The following FAM216B variants were observed in gnomAD, a reference collection of about 807,000 sequenced individuals.
FAM216B encodes the protein family with sequence similarity 216 member B, also known as protein FAM216B.
Under a neutral mutation model 12.9 loss-of-function variants are expected in FAM216B, and 11 were observed. The observed-to-expected ratio is 0.86, with a 90% CI of 0.54 to 1.42. FAM216B has a LOEUF of 1.42. FAM216B is among the 40% of genes most tolerant of loss of function. The probability of loss-of-function intolerance (pLI) is 0.00; values close to 1 mark genes in which losing one functional copy is unlikely to be tolerated. For missense variants in FAM216B, 167 were observed against 162.9 expected (o/e 1.02, Z -0.14); for synonymous variants, 52 against 57.2 (o/e 0.91, Z 0.41).
intron 2 of FAM216B, 109 bp from the exon 3 acceptor site, chr13:42,786,654 G>C (rs1316164744): frequency 8.7e-6 from 11 of 1,271,098 alleles, no homozygotes; most frequent in Non-Finnish European, 1.2e-5. Context: ...AAAAACATAT[G>C]GTTAGCAAGA....
At chr13:42,783,457 T>C (rs1188548834) in intron 1 of FAM216B, among the ~76,000 whole-genome samples, 1 of 152,120 alleles carries the variant, frequency 6.6e-6, no homozygotes, top group Non-Finnish European at 1.5e-5. Context: ...TTTTTGATTC[T>C]GGAAAATTTA....
intron 2 of FAM216B, among the ~76,000 whole-genome samples, 190 bp downstream of exon 2, chr13:42,784,356 C>T (rs1873986770): frequency 6.6e-6 from 1 of 151,998 alleles, no homozygotes; most frequent in Admixed American, 6.6e-5. Context: ...TAACCTCCTA[C>T]ACTCGTCCCA....
intron 3 of FAM216B, 84 bp downstream of exon 3, chr13:42,786,967 C>A (rs1439427617): frequency 3.2e-6 from 5 of 1,573,864 alleles, no homozygotes; most frequent in Admixed American, 1.8e-5. Context: ...ATAAATAATT[C>A]AAGCACAATG....
intron 2 of FAM216B, among the ~76,000 whole-genome samples, chr13:42,785,617 G>A (rs1874055937): frequency 6.6e-6 from 1 of 152,120 alleles, no homozygotes; most frequent in Non-Finnish European, 1.5e-5. Flanking sequence ...GCAAAATGTT[G>A]AGCACCGTAT....
intron 2 of FAM216B, among the ~76,000 whole-genome samples, chr13:42,785,550 C>T (rs948847502): frequency 3.9e-5 from 6 of 152,198 alleles, no homozygotes; most frequent in African/African-American, 1.2e-4. Flanking sequence ...CAATAAATTG[C>T]TCATCTCATA....
chr13:42,784,215 G>C (rs778859582), intron 2 of FAM216B, 49 bp downstream of exon 2: 2 of 1,244,940 alleles, frequency 1.6e-6, no homozygotes, highest in South Asian at 3.0e-5. Context: ...TGACCTGTCT[G>C]TCTCTCCTTC....
rs1024108739 is a variant in FAM216B, at chr13:42,790,661, G to GAGAA, written c.*1875_*1878dup. On this transcript the variant is annotated 3_prime_UTR_variant, in exon 4 of 4. Transcript: ENST00000313851. ...AAAGGGGTGCACCTGGGAGGACACTGAGAAAGATAAACAAAGGGGAAGGAA... is the reference window on the plus strand; with the variant it reads ...AAAGGGGTGCACCTGGGAGGACACTGAGAAAGAAAGATAAACAAAGGGGAAGGAA... The GAGAA allele has an allele frequency of 2.6e-5, 4 of 151,566 alleles. No individual in the cohort carries two copies. Among genetic ancestry groups the GAGAA allele is most frequent in the Non-Finnish European group, 5.9e-5 (4 of 68,038 alleles). The allele number at this position is 151,566 out of a possible 1,614,324, so 9.4% of individuals were successfully genotyped here. A position where few individuals can be genotyped will look rare whatever the true frequency, so the allele number is the denominator to read the frequency against.
chr13:42,784,635 G>A (rs1309908989), intron 2 of FAM216B, among the ~76,000 whole-genome samples: 2 of 135,110 alleles, frequency 1.5e-5, no homozygotes, highest in East Asian at 2.1e-4. Context: ...GGCTAACATG[G>A]TGAAACCCCG....
rs1402942208 is a variant in FAM216B, at chr13:42,784,091, AC to A, written c.25del (p.Gln9LysfsTer24). 1.2e-6 allele frequency: 2 copies of A among 1,607,854 alleles called. No individual in the cohort carries two copies. Among genetic ancestry groups the A allele is most frequent in the Non-Finnish European group, 1.7e-6 (2 of 1,177,018 alleles). On this transcript the variant is annotated frameshift_variant, in exon 2 of 4. Coordinates refer to ENST00000313851, the MANE Select transcript of FAM216B (RefSeq NM_001318932.2). LOFTEE classifies it high-confidence loss of function. MGQNWKRQQKLWNVPQLPF... is the reference protein window; with the variant it reads MGQNWKRQXKLWNVPQLPF... ...CGATGGGACAAAACTGGAAAAGACAACAAAAGCTTTGGAATGTTCCACAACT... is the reference window on the plus strand; with the variant it reads ...CGATGGGACAAAACTGGAAAAGACAAAAAAGCTTTGGAATGTTCCACAACT...
chr13:42,781,852 A>ATCAG (rs1282987079), intron 1 of FAM216B, among the ~76,000 whole-genome samples, 188 bp downstream of exon 1: 1 of 152,230 alleles, frequency 6.6e-6, no homozygotes. Flanking sequence ...AAGAAAGAGC[A>ATCAG]TCAGTCATTT....
At chr13:42,783,285 A>G (rs1241349997) in intron 1 of FAM216B, among the ~76,000 whole-genome samples, 2 of 152,234 alleles carry the variant, frequency 1.3e-5, no homozygotes, top group Non-Finnish European at 2.9e-5. Context: ...TCCAGCCTGG[A>G]TGATAGAGTG....
chr13:42,786,750 T>G lies in FAM216B; in HGVS notation c.100-13T>G, dbSNP rs764748088. On this transcript the variant is annotated splice_polypyrimidine_tract_variant and intron_variant, in intron 2 of 3. Coordinates refer to ENST00000313851, the MANE Select transcript of FAM216B (RefSeq NM_001318932.2). ...CCACACACTCATCAAAATCACCTGT[T>G]CTGTTCCAACAGGCCCTCAACCAAG... 82 of 1,613,820 alleles carry G rather than the reference T, an allele frequency of 5.1e-5. 1 individual carries two copies. The Middle Eastern group carries it at 5.4e-3, about 107-fold the overall frequency.
intron 2 of FAM216B, among the ~76,000 whole-genome samples, chr13:42,786,354 CCATCT>C (rs1874086086): frequency 6.7e-6 from 1 of 149,946 alleles, no homozygotes; most frequent in Non-Finnish European, 1.5e-5. Flanking sequence ...CATTACTCAT[CCATCT>C]ATCTCCCTTG....
intron 2 of FAM216B, among the ~76,000 whole-genome samples, chr13:42,785,271 G>C (rs377022379): frequency 3.9e-5 from 6 of 152,058 alleles, no homozygotes; most frequent in East Asian, 1.9e-4. Context: ...ATATATTTTC[G>C]ATACTAAGTT....
In FAM216B at chr13:42,788,639, A is replaced by G; in HGVS notation, c.269A>G (p.Asp90Gly). The change falls in exon 4 of 4, where the codon GAT becomes GGT. Residue 90 changes from aspartate to glycine, a missense_variant. Transcript: ENST00000313851. ...EALSYALVLR[D>G]STKRASAKVA... is the part of the protein sequence containing the mutation. ...TTGTCTTATGCTCTTGTACTTAGAG[A>G]TTCAACCAAGAGAGCCTCAGCCAAG... The G allele has an allele frequency of 1.2e-6, 2 of 1,613,874 alleles. No homozygotes were observed. The highest frequency in any genetic ancestry group is 1.7e-6 in the Non-Finnish European group (2 of 1,179,860).
intron 1 of FAM216B, among the ~76,000 whole-genome samples, 163 bp downstream of exon 1, chr13:42,781,827 A>G (rs1336883108): frequency 6.6e-6 from 1 of 152,232 alleles, no homozygotes; most frequent in Non-Finnish European, 1.5e-5. Context: ...AAAAGCACAC[A>G]TGAATTGTTG....
intron 1 of FAM216B, among the ~76,000 whole-genome samples, chr13:42,783,495 A>G (rs1471636760): frequency 1.3e-5 from 2 of 152,064 alleles, no homozygotes; most frequent in African/African-American, 4.8e-5. Context: ...GAGCCTCCCA[A>G]ATTCAAAAAT....
chr13:42,788,682 C>T lies in FAM216B; in HGVS notation c.312C>T (p.Thr104=). The T allele has an allele frequency of 2.5e-6, 4 of 1,613,928 alleles. No homozygotes were observed. The highest frequency in any genetic ancestry group is 2.5e-6 in the Non-Finnish European group (3 of 1,179,884). The change falls in exon 4 of 4, where the codon ACC becomes ACT. Residue 104 remains threonine, a synonymous_variant. Coordinates refer to ENST00000313851, the MANE Select transcript of FAM216B (RefSeq NM_001318932.2). ...RASAKVAPQR[T]IPRKTSAMTR... is the part of the protein sequence containing the mutation. ...CAGCCAAGGTAGCTCCTCAAAGAACCATTCCCCGGAAAACTTCAGCCATGA... is the reference window on the plus strand; with the variant it reads ...CAGCCAAGGTAGCTCCTCAAAGAACTATTCCCCGGAAAACTTCAGCCATGA...
chr13:42,783,731 C>CA (rs1873949885), intron 1 of FAM216B, among the ~76,000 whole-genome samples: 1 of 151,898 alleles, frequency 6.6e-6, no homozygotes, highest in Admixed American at 6.6e-5. Context: ...TTAAAATTAT[C>CA]AAAAAATTAC....
Sources: gnomAD v4.1 joint callset for allele counts (sites outside exome capture counted in the v4.1 genomes callset) on GRCh38, gnomAD v4.1.1 for gene constraint, MANE v1.5 for transcripts, NCBI Gene and HGNC (gene_info 2026-07-23, HGNC 2026-07-21) for gene names.